ADIPOR2: variants seen among roughly 807,000 people sequenced by gnomAD.
The protein encoded by ADIPOR2 is adiponectin receptor 2.
ADIPOR2 carries 18 observed loss-of-function variants against 40.9 expected under a neutral mutation model. The observed-to-expected ratio is 0.44, with a 90% CI of 0.30 to 0.65. The LOEUF is 0.65. ADIPOR2 is among the 30% of genes least tolerant of loss of function. The pLI is 0.09. For missense variants in ADIPOR2, 283 were observed against 479.2 expected (o/e 0.59, Z 3.82); for synonymous variants, 165 against 166.4 (o/e 0.99, Z 0.06).
chr12:1,743,310 T>TAAAA (rs137936686), intron 1 of ADIPOR2, among the ~76,000 whole-genome samples: 3 of 88,580 alleles, frequency 3.4e-5, no homozygotes, highest in Non-Finnish European at 4.4e-5. Flanking sequence ...AGACGCTGTC[T>TAAAA]AAAAAAAAAA....
At chr12:1,757,155 G>T in intron 2 of ADIPOR2, 1 of 278,348 alleles carries the variant, frequency 3.6e-6, no homozygotes. Flanking sequence ...ATTCATAATG[G>T]CAATAAAATT....
At chr12:1,725,641 A>G (rs963661945) in intron 1 of ADIPOR2, among the ~76,000 whole-genome samples, 5 of 152,230 alleles carry the variant, frequency 3.3e-5, no homozygotes, top group Admixed American at 1.3e-4. Context: ...AATACTTATT[A>G]AATGTTTATC....
At chr12:1,771,428 A>G (rs912180555) in intron 2 of ADIPOR2, among the ~76,000 whole-genome samples, 4 of 151,838 alleles carry the variant, frequency 2.6e-5, no homozygotes, top group African/African-American at 9.7e-5. Flanking sequence ...TGTGGGTAGC[A>G]GTAATGAAAG....
intron 1 of ADIPOR2, among the ~76,000 whole-genome samples, chr12:1,747,083 AAAC>A (rs2154443162): frequency 6.7e-6 from 1 of 149,612 alleles, no homozygotes; most frequent in South Asian, 2.2e-4. Context: ...AAACAAAACA[AAAC>A]AAAGAAATAA....
At chr12:1,728,552 G>A (rs982799303) in intron 1 of ADIPOR2, among the ~76,000 whole-genome samples, 22 of 151,518 alleles carry the variant, frequency 1.5e-4, no homozygotes, top group African/African-American at 2.2e-4. Context: ...GTGAAACCCC[G>A]TCTCTACTAA....
chr12:1,743,493 A>G (rs555301464), intron 1 of ADIPOR2, among the ~76,000 whole-genome samples: 2 of 152,156 alleles, frequency 1.3e-5, no homozygotes, highest in Admixed American at 1.3e-4. Flanking sequence ...CAACAGAGTG[A>G]GACTCCAGTG....
In ADIPOR2 at chr12:1,767,145, C is replaced by T. The variant is rs750896429; in HGVS notation, c.172-5697C>T. On this transcript the variant is annotated intron_variant, in intron 2 of 7. Coordinates refer to ENST00000357103, the MANE Select transcript of ADIPOR2 (RefSeq NM_024551.3). Reference sequence around the variant, plus strand: ...AATTAGCCGGGCGTGGTGGCAGGCGCCTATAATCCCAGCTACTCGGGAGGC... The same window carrying T: ...AATTAGCCGGGCGTGGTGGCAGGCGTCTATAATCCCAGCTACTCGGGAGGC... 7.8e-4 allele frequency among the ~76,000 whole-genome samples: 119 copies of T among 152,044 alleles called. No individual in the cohort carries two copies. The Middle Eastern group carries it at 0.017, about 22-fold the overall frequency.
At chr12:1,715,753 A>T (rs965943924) in intron 1 of ADIPOR2, among the ~76,000 whole-genome samples, 2 of 152,156 alleles carry the variant, frequency 1.3e-5, no homozygotes, top group African/African-American at 4.8e-5. Context: ...GAACTTTGAT[A>T]TCTTACAAGA....
rs558895586 is a variant in ADIPOR2 at position 1,708,190 on chromosome 12, T to G, written c.-87+16999T>G. Among the ~76,000 whole-genome samples the G allele has an allele frequency of 2.6e-5, 4 of 151,940 alleles. No homozygotes were observed. In the East Asian group the frequency reaches 5.8e-4, roughly 22 times the overall value. On this transcript the variant is annotated intron_variant, in intron 1 of 7. Coordinates refer to ENST00000357103, the MANE Select transcript of ADIPOR2 (RefSeq NM_024551.3). ...GATGTGCATATGCAAATATGGGTTTTTTTTTTTTTTAAATAAGGGACTTGA... is the reference window on the plus strand; with the variant it reads ...GATGTGCATATGCAAATATGGGTTTGTTTTTTTTTTAAATAAGGGACTTGA...
chr12:1,749,385 A>G (rs1040458638), intron 1 of ADIPOR2, among the ~76,000 whole-genome samples: 1 of 152,258 alleles, frequency 6.6e-6, no homozygotes, highest in Non-Finnish European at 1.5e-5. Context: ...GAAAGCAGGC[A>G]GGAGAAAGAG....
At chr12:1,768,257 T>G (rs1011774853) in intron 2 of ADIPOR2, among the ~76,000 whole-genome samples, 5 of 152,204 alleles carry the variant, frequency 3.3e-5, no homozygotes, top group African/African-American at 9.6e-5. Flanking sequence ...AACATTTAAA[T>G]ACCTCATTTA....
At chr12:1,760,398 G>T (rs1476401275) in intron 2 of ADIPOR2, among the ~76,000 whole-genome samples, 1 of 151,864 alleles carries the variant, frequency 6.6e-6, no homozygotes, top group Non-Finnish European at 1.5e-5. Flanking sequence ...TTAGTCACAG[G>T]GTTGTACAAC....
At chr12:1,716,124 C>T (rs1218378624) in intron 1 of ADIPOR2, among the ~76,000 whole-genome samples, 3 of 152,178 alleles carry the variant, frequency 2.0e-5, no homozygotes, top group Non-Finnish European at 4.4e-5. Flanking sequence ...TCCATGAACC[C>T]ACTGGAAGGA....
At chr12:1,779,450 T>C (rs1862669404) in intron 4 of ADIPOR2, among the ~76,000 whole-genome samples, 1 of 152,170 alleles carries the variant, frequency 6.6e-6, no homozygotes, top group Non-Finnish European at 1.5e-5. Flanking sequence ...TCTACATGCA[T>C]GAAATGTCCA....
chr12:1,707,238 G>T (rs2094665212), intron 1 of ADIPOR2, among the ~76,000 whole-genome samples: 1 of 152,124 alleles, frequency 6.6e-6, no homozygotes, highest in East Asian at 1.9e-4. Context: ...TGATGTACAA[G>T]TCTTTTTGTG....
chr12:1,715,528 G>A (rs977172867), intron 1 of ADIPOR2, among the ~76,000 whole-genome samples: 7 of 152,108 alleles, frequency 4.6e-5, no homozygotes, highest in South Asian at 2.1e-4. Context: ...CCGAGTTATC[G>A]TGGCTTTAAA....
At chr12:1,716,575 T>C (rs2094688033) in intron 1 of ADIPOR2, among the ~76,000 whole-genome samples, 1 of 152,244 alleles carries the variant, frequency 6.6e-6, no homozygotes, top group South Asian at 2.1e-4. Flanking sequence ...AGAAAGCATA[T>C]GAAATTTCAA....
rs940112154 is a variant in ADIPOR2, at chr12:1,786,244, A to G, written c.*172A>G. 14 of 737,982 alleles carry G rather than the reference A, an allele frequency of 1.9e-5. No homozygotes were observed. Among genetic ancestry groups the G allele is most frequent in the Non-Finnish European group, 2.9e-5 (14 of 480,582 alleles). 45.7% of individuals were successfully genotyped at this position (737,982 alleles called of 1,614,324 possible). ...GTACATGACTGAGAAGAGAAAAACA[A>G]AAATAAATCATACCTCAAAGGATGG... On this transcript the variant is annotated 3_prime_UTR_variant, in exon 8 of 8. Transcript: ENST00000357103.
chr12:1,704,361 C>G (rs1016562971), intron 1 of ADIPOR2, among the ~76,000 whole-genome samples: 1 of 152,070 alleles, frequency 6.6e-6, no homozygotes, highest in Non-Finnish European at 1.5e-5. Flanking sequence ...GTCTCACTCA[C>G]ATGTCATTTC....
Sources: allele counts gnomAD v4.1 joint callset (sites outside exome capture counted in the v4.1 genomes callset), GRCh38; gene constraint gnomAD v4.1.1; transcripts MANE v1.5; gene names NCBI Gene and HGNC (gene_info 2026-07-23, HGNC 2026-07-21).